The following ATP2B3 variants were observed in gnomAD, a reference collection of about 807,000 sequenced individuals.
ATP2B3 encodes plasma membrane calcium-transporting ATPase 3.
ATP2B3 carries 12 observed loss-of-function variants against 70.8 expected under a neutral mutation model. The observed-to-expected ratio is 0.17, with a 90% CI of 0.11 to 0.27. ATP2B3 has a LOEUF of 0.27. ATP2B3 is among the 10% of genes least tolerant of loss of function. The pLI is 1.00. For synonymous variants in ATP2B3, 460 were observed against 497.8 expected (o/e 0.92, Z 1.01); for missense variants, 858 against 1,118.5 (o/e 0.77, Z 3.32).
chrX:153,552,674 C>T (rs1480165587), intron 12 of ATP2B3, among the ~76,000 whole-genome samples: 3 of 112,539 alleles, frequency 2.7e-5, no homozygotes, highest in East Asian at 5.6e-4. Flanking sequence ...AGTGCATGAG[C>T]GTCCTGGTGC....
At chrX:153,550,322 G>A (rs782782001) in intron 12 of ATP2B3, 36 bp downstream of exon 12, 24 of 1,204,104 alleles carry the variant, frequency 2.0e-5, no homozygotes, top group Middle Eastern at 4.6e-4. Flanking sequence ...GGGTACGCAC[G>A]GAGTTTCTGA....
chrX:153,567,206 G>A (rs1318729330), intron 21 of ATP2B3, among the ~76,000 whole-genome samples: 1 of 113,379 alleles, frequency 8.8e-6, no homozygotes, highest in East Asian at 2.8e-4. Flanking sequence ...CACAATGCTC[G>A]GACAGGCCAG....
chrX:153,526,863 T>G (rs1418160215), intron 2 of ATP2B3, among the ~76,000 whole-genome samples: 4 of 112,164 alleles, frequency 3.6e-5, no homozygotes, highest in African/African-American at 1.3e-4. Flanking sequence ...TTGACACCAA[T>G]GCATCCCCCC....
At position 153,580,229 on chromosome X, in the gene ATP2B3, G is replaced by T. The variant is rs782596945; in HGVS notation, c.3594G>T (p.Lys1198Asn). 8.4e-7 allele frequency: 1 copy of T among 1,186,793 alleles called. No individual in the cohort carries two copies. Among genetic ancestry groups the T allele is most frequent in the African/African-American group, 1.9e-5 (1 of 53,707 alleles). The change falls in exon 22 of 22, where the codon AAG becomes AAT. Residue 1198 changes from lysine to asparagine, a missense_variant. Around this residue, in one of 5 missense-constraint regions of ATP2B3, gnomAD observed 265 missense variants for 305.3 expected, o/e 0.87. Transcript: ENST00000263519. ...SGIYLTTHVT[K>N]SATSSVFSSS... is the part of the protein sequence containing the mutation. ...TCTACCTGACCACGCATGTCACCAA[G>T]TCAGCTACCTCTTCAGTGTTTTCCT...
At chrX:153,568,233 C>T (rs782566035) in intron 21 of ATP2B3, among the ~76,000 whole-genome samples, 2 of 111,871 alleles carry the variant, frequency 1.8e-5, no homozygotes, top group South Asian at 3.8e-4. Flanking sequence ...GCTCATGACT[C>T]GGTCTGTCTT....
intron 16 of ATP2B3, among the ~76,000 whole-genome samples, chrX:153,557,314 C>A (rs1358305327): frequency 8.9e-6 from 1 of 111,943 alleles, no homozygotes; most frequent in Non-Finnish European, 1.9e-5. Flanking sequence ...GCATTGCCCA[C>A]CCCCGTCCTC....
In ATP2B3 at chrX:153,541,570, G is replaced by T; in HGVS notation, c.406+14G>T. The T allele has an allele frequency of 8.3e-7, 1 of 1,210,810 alleles. No homozygotes were observed. Among genetic ancestry groups the T allele is most frequent in the Non-Finnish European group, 1.1e-6 (1 of 894,982 alleles). Reference sequence around the variant, plus strand: ...AGGAGAGTGAAGGTAAGGCCCGGGGGCCTGGGCTGGAAGGAGGAAGAGGAA... The same window carrying T: ...AGGAGAGTGAAGGTAAGGCCCGGGGTCCTGGGCTGGAAGGAGGAAGAGGAA... On this transcript the variant is annotated intron_variant, in intron 4 of 21. Coordinates refer to ENST00000263519, the MANE Select transcript of ATP2B3 (RefSeq NM_001001344.3).
In ATP2B3 at chrX:153,577,932, T is replaced by C. The variant is rs143822788; in HGVS notation, c.3343-2046T>C. Among the ~76,000 whole-genome samples the C allele has an allele frequency of 7.7e-3, 856 of 111,839 alleles. 5 individuals are homozygous for C. The highest frequency in any genetic ancestry group is 0.026 in the African/African-American group (810 of 30,749). On this transcript the variant is annotated intron_variant, in intron 21 of 21. Transcript: ENST00000263519. ...ACCAAACCTGGCCCTGGCTCACTTTTTGCACTGGAGAGGTGATGAGGTTGG... is the reference window on the plus strand; with the variant it reads ...ACCAAACCTGGCCCTGGCTCACTTTCTGCACTGGAGAGGTGATGAGGTTGG...
intron 12 of ATP2B3, among the ~76,000 whole-genome samples, chrX:153,550,947 C>T (rs1481807211): frequency 4.4e-5 from 5 of 112,387 alleles, no homozygotes; most frequent in African/African-American, 1.6e-4. Flanking sequence ...TGCTAAAGAG[C>T]ATTGTGTTGG....
In ATP2B3 at chrX:153,559,821, G is replaced by C; in HGVS notation, c.2718G>C (p.Glu906Asp). 1 of 1,212,090 alleles carries C rather than the reference G, an allele frequency of 8.3e-7. No individual in the cohort carries two copies. The highest frequency in any genetic ancestry group is 1.8e-5 in the South Asian group (1 of 57,018). The change falls in exon 18 of 22, where the codon GAG becomes GAC. Residue 906 changes from glutamate to aspartate, a missense_variant. Around this residue, in one of 5 missense-constraint regions of ATP2B3, gnomAD observed 265 missense variants for 305.3 expected, o/e 0.87. Coordinates refer to ENST00000263519, the MANE Select transcript of ATP2B3 (RefSeq NM_001001344.3). ...CCCTGGCGACGGAGCCACCCACAGA[G>C]TCGCTGCTGCTGCGGAAGCCGTACG... is the stretch of plus-strand genomic sequence containing the variant. The part of the protein sequence containing the change: ...SLALATEPPT[E>D]SLLLRKPYGR...
At chrX:153,531,695 C>T (rs782213202) in intron 2 of ATP2B3, among the ~76,000 whole-genome samples, 18 of 112,838 alleles carry the variant, frequency 1.6e-4, no homozygotes, top group African/African-American at 5.1e-4. Flanking sequence ...GCCGCATGTT[C>T]TCATCACTGA....
rs951789484 is a variant in ATP2B3 at position 153,578,556 on chromosome X, G to A, written c.3343-1422G>A. 2.7e-5 allele frequency among the ~76,000 whole-genome samples: 3 copies of A among 112,762 alleles called. No homozygotes were observed. The East Asian group carries it at 8.4e-4, about 31-fold the overall frequency. ...TGAGTGCGTGAGGCAAGGTGGAGAA[G>A]CCAGAGGAGGGAAGGGCTCGCTCCT... On this transcript the variant is annotated intron_variant, in intron 21 of 21. Coordinates refer to ENST00000263519, the MANE Select transcript of ATP2B3 (RefSeq NM_001001344.3).
Position 153,553,779 on chromosome X carries a change from C to T in ATP2B3, c.2058+510C>T, listed in dbSNP as rs782456084. ...CCAGATGAGGGGACCTCGAGGGCCG[C>T]GTGGCAGATGCCATGGCCTTGACAC... On this transcript the variant is annotated intron_variant, in intron 13 of 21. Coordinates refer to ENST00000263519, the MANE Select transcript of ATP2B3 (RefSeq NM_001001344.3). Among the ~76,000 whole-genome samples the T allele has an allele frequency of 1.1e-3, 128 of 113,332 alleles. 1 individual carries two copies. The highest frequency in any genetic ancestry group is 4.0e-3 in the African/African-American group (124 of 31,301).
intron 3 of ATP2B3, among the ~76,000 whole-genome samples, chrX:153,538,839 G>T (rs1256824192): frequency 8.8e-6 from 1 of 113,293 alleles, no homozygotes; most frequent in Non-Finnish European, 1.9e-5. Flanking sequence ...CCACAGGAAG[G>T]CTAAGGAGAA....
At chrX:153,566,667 C>A (rs894649129) in intron 21 of ATP2B3, among the ~76,000 whole-genome samples, 1 of 110,076 alleles carries the variant, frequency 9.1e-6, no homozygotes, top group African/African-American at 3.3e-5. Flanking sequence ...ATGAAGTCTA[C>A]GCTCCTGACC....
chrX:153,540,846 C>T (rs1171657329), intron 3 of ATP2B3, among the ~76,000 whole-genome samples: 1 of 112,156 alleles, frequency 8.9e-6, no homozygotes, highest in Non-Finnish European at 1.9e-5. Flanking sequence ...ATTGGTGGCC[C>T]TCCCCATGTC....
At chrX:153,546,229 G>A in intron 8 of ATP2B3, 100 bp downstream of exon 8, 1 of 1,027,983 alleles carries the variant, frequency 9.7e-7, no homozygotes, top group South Asian at 2.0e-5. Flanking sequence ...CTCGGTGGCA[G>A]GAGCAACACT....
chrX:153,524,856 C>T (rs1009522223), intron 2 of ATP2B3, among the ~76,000 whole-genome samples: 30 of 112,218 alleles, frequency 2.7e-4, no homozygotes, highest in African/African-American at 9.7e-4. Context: ...GTCAAGACCC[C>T]CTTCCTCCCT....
intron 2 of ATP2B3, among the ~76,000 whole-genome samples, chrX:153,521,372 A>G (rs1473907811): frequency 1.8e-5 from 2 of 112,870 alleles, no homozygotes; most frequent in African/African-American, 3.2e-5. Context: ...TCTCAAATGC[A>G]GGGGAATTCG....
Sources: allele counts gnomAD v4.1 joint callset (sites outside exome capture counted in the v4.1 genomes callset), GRCh38; gene constraint gnomAD v4.1.1; regional missense constraint gnomAD v4.1.1; transcripts MANE v1.5; gene names NCBI Gene and HGNC (gene_info 2026-07-23, HGNC 2026-07-21).